Variants in LRRC49 observed in about 807,000 individuals in gnomAD.
LRRC49 encodes leucine-rich repeat-containing protein 49.
LRRC49 carries 50 observed loss-of-function variants against 83.3 expected under a neutral mutation model. The ratio of observed to expected loss-of-function variants is 0.60; its 90% confidence interval spans 0.48 to 0.76. The LOEUF (loss-of-function observed/expected upper bound fraction) is 0.76. Among genes scored for constraint, LRRC49 ranks in the 30% least tolerant of loss-of-function variants. The pLI is 0.00. For missense variants in LRRC49, 704 were observed against 809.1 expected (o/e 0.87, Z 1.58); for synonymous variants, 286 against 283.3 (o/e 1.01, Z -0.10).
intron 2 of LRRC49, chr15:70,882,126 G>A: frequency 4.8e-6 from 1 of 209,096 alleles, no homozygotes; most frequent in Non-Finnish European, 9.6e-6. Flanking sequence ...TAGGAGCGTT[G>A]CTTCTGAACT....
At chr15:70,972,384 T>C (rs2141210778) in intron 9 of LRRC49, among the ~76,000 whole-genome samples, 1 of 152,350 alleles carries the variant, frequency 6.6e-6, no homozygotes, top group South Asian at 2.1e-4. Context: ...CCTTTGTAGA[T>C]AACGCAACCT....
chr15:70,996,528 T>C (rs1043231104), intron 11 of LRRC49, among the ~76,000 whole-genome samples: 3 of 152,112 alleles, frequency 2.0e-5, no homozygotes, highest in South Asian at 2.1e-4. Context: ...TCTTACTGGC[T>C]CCTTCTCTAC....
chr15:70,893,711 A>G, intron 2 of LRRC49, 71 bp downstream of exon 2: 1 of 1,189,912 alleles, frequency 8.4e-7, no homozygotes, highest in Non-Finnish European at 1.2e-6. Context: ...AGCATGACTT[A>G]AAGTGTAGAT....
Position 70,895,861 on chromosome 15 carries a change from C to T in LRRC49, c.118C>T (p.Leu40=), listed in dbSNP as rs1366426448. The change falls in exon 3 of 16, where the codon CTA becomes TTA. Residue 40 remains leucine (L), a synonymous_variant. Transcript: ENST00000260382. Reference sequence around the variant, plus strand: ...TAATGTTTTTCAGGTTGAATTCAAGCTAAATAAAGACACATCGTCATTCCC... The same window carrying T: ...TAATGTTTTTCAGGTTGAATTCAAGTTAAATAAAGACACATCGTCATTCCC... ...LPEKNKVEFK[L]NKDTSSFPGR... The T allele has an allele frequency of 6.2e-7, 1 of 1,604,362 alleles. No individual in the cohort carries two copies. The highest frequency in any genetic ancestry group is 2.2e-5 in the East Asian group (1 of 44,656).
chr15:70,967,402 G>A (rs1399525976), intron 9 of LRRC49, among the ~76,000 whole-genome samples: 1 of 152,056 alleles, frequency 6.6e-6, no homozygotes, highest in African/African-American at 2.4e-5. Flanking sequence ...AGGATGCGAT[G>A]GGTGATGAGA....
intron 8 of LRRC49, 124 bp downstream of exon 8, chr15:70,936,946 GA>G: frequency 1.6e-6 from 1 of 642,390 alleles, no homozygotes; most frequent in East Asian, 2.7e-5. Flanking sequence ...ATTAGAAAAT[GA>G]TAAGACAAAG....
chr15:70,926,475 G>A (rs1239530958), intron 7 of LRRC49, among the ~76,000 whole-genome samples: 1 of 151,924 alleles, frequency 6.6e-6, no homozygotes, highest in Non-Finnish European at 1.5e-5. Context: ...TAGGGTAGGT[G>A]GATGTCTAAA....
At chr15:70,953,338 C>T (rs1241828447) in intron 8 of LRRC49, among the ~76,000 whole-genome samples, 2 of 152,116 alleles carry the variant, frequency 1.3e-5, no homozygotes, top group African/African-American at 4.8e-5. Flanking sequence ...GTAATGAATA[C>T]TCTTAGCTTT....
chr15:70,895,981 A>T, intron 3 of LRRC49, 45 bp downstream of exon 3: 1 of 1,135,688 alleles, frequency 8.8e-7, no homozygotes, highest in South Asian at 1.4e-5. Flanking sequence ...TCATCTTTGA[A>T]TAATATTAAG....
chr15:70,933,296 T>C (rs1402684084), intron 7 of LRRC49, among the ~76,000 whole-genome samples: 2 of 152,150 alleles, frequency 1.3e-5, no homozygotes, highest in African/African-American at 2.4e-5. Context: ...TTTAAGATAA[T>C]GAGGAAATTA....
intron 1 of LRRC49, chr15:70,859,758 C>A: frequency 1.4e-6 from 1 of 723,454 alleles, no homozygotes. Flanking sequence ...GTTAAGGATG[C>A]CAACGCCAAG....
chr15:70,998,379 T>G (rs1484794347), intron 11 of LRRC49, among the ~76,000 whole-genome samples: 2 of 152,164 alleles, frequency 1.3e-5, no homozygotes, highest in East Asian at 3.8e-4. Context: ...AGTAATAAAT[T>G]CCCTCAGCTT....
chr15:70,855,361 AAAAG>A (rs897219405), intron 1 of LRRC49, among the ~76,000 whole-genome samples: 196 of 151,980 alleles, frequency 1.3e-3, no homozygotes, highest in African/African-American at 4.5e-3. Context: ...AAAAGAAAAA[AAAAG>A]AAAGAAGGAA....
chr15:71,007,709 GTATATATATA>G (rs55946096), intron 11 of LRRC49, among the ~76,000 whole-genome samples: 13,083 of 137,458 alleles, frequency 0.095, 799 homozygotes, highest in Admixed American at 0.19. Context: ...TGAGAAGCAT[GTATATATATA>G]TATATATATA....
rs55946096 is a variant in LRRC49 at position 71,007,709 on chromosome 15, G to GTATATATA, written c.1170-645_1170-638dup. Among the ~76,000 whole-genome samples the GTATATATA allele has an allele frequency of 1.2e-3, 168 of 137,680 alleles. 1 individual carries two copies. The highest frequency in any genetic ancestry group is 4.3e-3 in the African/African-American group (159 of 36,614). 90.3% of individuals were successfully genotyped at this position (137,680 alleles called of 152,430 possible). A position where few individuals can be genotyped will look rare whatever the true frequency, so the allele number is the denominator to read the frequency against. On this transcript the variant is annotated intron_variant, in intron 11 of 15. Coordinates refer to ENST00000260382, the MANE Select transcript of LRRC49 (RefSeq NM_017691.5). Reference sequence around the variant, plus strand: ...AAATTCAGTGCAGTATGAGAAGCATGTATATATATATATATATATATATAT... The same window carrying GTATATATA: ...AAATTCAGTGCAGTATGAGAAGCATGTATATATATATATATATATATATATATATATAT...
intron 11 of LRRC49, among the ~76,000 whole-genome samples, chr15:71,005,683 A>G (rs908391996): frequency 6.6e-6 from 1 of 152,172 alleles, no homozygotes; most frequent in Admixed American, 6.5e-5. Flanking sequence ...GTTCTTATCA[A>G]TACAGATGAT....
At position 70,860,394 on chromosome 15, in the gene LRRC49, TCAAACAAA is replaced by T. The variant is rs945480080; in HGVS notation, c.-299+6938_-299+6945del. Among the ~76,000 whole-genome samples the T allele has an allele frequency of 3.9e-5, 6 of 152,214 alleles. No individual in the cohort carries two copies. The South Asian group carries it at 1.2e-3, about 32-fold the overall frequency. ...AAACCTCAGCTAGCCCTACCAACTG[TCAAACAAA>T]CAAACAAACAAAACCAAAAAACAAA... On this transcript the variant is annotated intron_variant, in intron 1 of 16. Coordinates refer to the LRRC49 transcript ENST00000544974.
intron 14 of LRRC49, among the ~76,000 whole-genome samples, chr15:71,029,132 T>G (rs2034471640): frequency 6.6e-6 from 1 of 152,214 alleles, no homozygotes; most frequent in African/African-American, 2.4e-5. Context: ...GTCCCAGAGA[T>G]TCTGGTATGT....
At chr15:70,918,678 G>A (rs1485254875) in intron 6 of LRRC49, 2 of 157,542 alleles carry the variant, frequency 1.3e-5, no homozygotes, top group African/African-American at 2.4e-5. Context: ...GACTTGCTTT[G>A]TTAAAACATG....
Sources: allele counts gnomAD v4.1 joint callset (sites outside exome capture counted in the v4.1 genomes callset), GRCh38; gene constraint gnomAD v4.1.1; transcripts MANE v1.5; gene names NCBI Gene and HGNC (gene_info 2026-07-23, HGNC 2026-07-21).